Variants in GTF2F2 observed in about 807,000 individuals in gnomAD.
The protein encoded by GTF2F2 is ATP-dependent helicase GTF2F2.
A neutral mutation model predicts 42.2 loss-of-function variants in GTF2F2; 23 were observed. The observed-to-expected ratio is 0.55, with a 90% CI of 0.39 to 0.77. The LOEUF is 0.77. GTF2F2 is among the 30% of genes least tolerant of loss of function. The pLI, the probability that GTF2F2 is intolerant of heterozygous loss-of-function variation, is 0.00. For synonymous variants in GTF2F2, 105 were observed against 100.8 expected, an observed-to-expected ratio of 1.04 and a Z score of -0.25; for missense variants, 261 against 287.2, an observed-to-expected ratio of 0.91 and a Z score of 0.66.
chr13:45,252,468 C>A (rs1480334651), intron 5 of GTF2F2, among the ~76,000 whole-genome samples: 1 of 152,036 alleles, frequency 6.6e-6, no homozygotes, highest in Non-Finnish European at 1.5e-5. Context: ...TTTTATTTAC[C>A]TTTATCTTTT....
chr13:45,132,994 T>G (rs1869441399), intron 1 of GTF2F2, among the ~76,000 whole-genome samples: 2 of 152,184 alleles, frequency 1.3e-5, no homozygotes, highest in Admixed American at 1.3e-4. Context: ...GATCGAGAGC[T>G]TTCCTTCAGC....
chr13:45,202,996 G>A (rs1339607960), intron 4 of GTF2F2, among the ~76,000 whole-genome samples: 2 of 152,144 alleles, frequency 1.3e-5, no homozygotes, highest in Admixed American at 6.5e-5. Context: ...TGTACATTTA[G>A]TTGCTGATGT....
intron 4 of GTF2F2, among the ~76,000 whole-genome samples, chr13:45,157,191 G>C (rs762288227): frequency 6.6e-6 from 1 of 152,132 alleles, no homozygotes; most frequent in Non-Finnish European, 1.5e-5. Context: ...AATGACTAAT[G>C]CTCCAAGTTG....
intron 4 of GTF2F2, among the ~76,000 whole-genome samples, chr13:45,178,329 G>T (rs1871982194): frequency 7.6e-6 from 1 of 131,038 alleles, no homozygotes. Flanking sequence ...GTCCAGTGAG[G>T]TTTAAATTAT....
intron 4 of GTF2F2, among the ~76,000 whole-genome samples, chr13:45,166,708 C>T (rs1008516388): frequency 2.6e-5 from 4 of 152,000 alleles, no homozygotes; most frequent in East Asian, 1.9e-4. Context: ...TATGAGAATT[C>T]GTATGATGAA....
chr13:45,231,581 A>G (rs1471604297), intron 5 of GTF2F2, among the ~76,000 whole-genome samples: 4 of 151,738 alleles, frequency 2.6e-5, no homozygotes, highest in Non-Finnish European at 5.9e-5. Flanking sequence ...CCTAAATGAT[A>G]CTCCCAATGG....
intron 7 of GTF2F2, among the ~76,000 whole-genome samples, chr13:45,278,831 T>TC (rs1877141429): frequency 1.4e-5 from 2 of 139,852 alleles, no homozygotes; most frequent in African/African-American, 2.7e-5. Flanking sequence ...TTTTTTTTTT[T>TC]TTTTTTTTTT....
At chr13:45,272,796 T>G (rs1428032102) in intron 7 of GTF2F2, among the ~76,000 whole-genome samples, 9 of 149,272 alleles carry the variant, frequency 6.0e-5, no homozygotes, top group Non-Finnish European at 1.2e-4. Context: ...GCTGGAGTGC[T>G]CAAAGCTCCA....
intron 1 of GTF2F2, among the ~76,000 whole-genome samples, chr13:45,123,791 ATTT>A (rs201828514): frequency 6.6e-5 from 9 of 136,018 alleles, no homozygotes; most frequent in Non-Finnish European, 4.8e-5. Context: ...GGAATTTTGA[ATTT>A]TTTTTTTTTT....
At chr13:45,246,611 A>G (rs1875632053) in intron 5 of GTF2F2, among the ~76,000 whole-genome samples, 1 of 152,188 alleles carries the variant, frequency 6.6e-6, no homozygotes, top group Non-Finnish European at 1.5e-5. Context: ...AATATTTTTA[A>G]AACACAAATT....
chr13:45,136,023 ATATAGTG>A (rs1869601588), intron 1 of GTF2F2, among the ~76,000 whole-genome samples: 1 of 152,254 alleles, frequency 6.6e-6, no homozygotes, highest in Non-Finnish European at 1.5e-5. Context: ...TTACAACACA[ATATAGTG>A]TATTGGTTAA....
At chr13:45,276,228 A>G (rs1284019533) in intron 7 of GTF2F2, among the ~76,000 whole-genome samples, 1 of 152,146 alleles carries the variant, frequency 6.6e-6, no homozygotes, top group Non-Finnish European at 1.5e-5. Context: ...TTGCAAATAT[A>G]TATCATAGTG....
chr13:45,283,618 C>T lies in GTF2F2; in HGVS notation c.*57C>T, dbSNP rs1877354192. On this transcript the variant is annotated 3_prime_UTR_variant, in exon 8 of 8. Transcript: ENST00000340473. ...ACTAGCAGCGATGCTATGCAAAAGG[C>T]GCTGATACTGGAAGGCTTGAACACC... is the stretch of plus-strand genomic sequence containing the variant. 4.0e-6 allele frequency: 6 copies of T among 1,482,396 alleles called. No individual in the cohort carries two copies. Among genetic ancestry groups the T allele is most frequent in the Non-Finnish European group, 5.4e-6 (6 of 1,107,380 alleles). 91.8% of individuals were successfully genotyped at this position (1,482,396 alleles called of 1,614,324 possible).
At chr13:45,170,257 C>T (rs953482589) in intron 4 of GTF2F2, among the ~76,000 whole-genome samples, 1 of 152,194 alleles carries the variant, frequency 6.6e-6, no homozygotes, top group African/African-American at 2.4e-5. Context: ...CAGACCCCCC[C>T]TGCCTTGGCC....
intron 5 of GTF2F2, among the ~76,000 whole-genome samples, chr13:45,225,611 C>CAAAAAAAA (rs35637992): frequency 6.1e-5 from 4 of 65,540 alleles, no homozygotes; most frequent in African/African-American, 1.5e-4. Flanking sequence ...AGCTCTGTCT[C>CAAAAAAAA]AAAAAAAAAA....
rs534611518 is a variant in GTF2F2 at position 45,182,939 on chromosome 13, T to C, written c.305-24485T>C. Among the ~76,000 whole-genome samples the C allele has an allele frequency of 3.9e-5, 6 of 152,176 alleles. No homozygotes were observed. In the South Asian group the frequency reaches 1.2e-3, roughly 32 times the overall value. On this transcript the variant is annotated intron_variant, in intron 4 of 7. Transcript: ENST00000340473. The stretch of plus-strand genomic sequence containing the variant: ...TAGCACACTCGTCAGGCAGGCTGGG[T>C]TCCCTTTTGGTTAACTGTGGCTTCT...
At chr13:45,207,399 G>GAT in intron 4 of GTF2F2, 25 bp from the exon 5 acceptor site, 8 of 1,429,046 alleles carry the variant, frequency 5.6e-6, no homozygotes, top group Non-Finnish European at 7.9e-6. Context: ...TATTATCTCT[G>GAT]AATCCTTTTT....
At chr13:45,223,134 G>A (rs1001628188) in intron 5 of GTF2F2, among the ~76,000 whole-genome samples, 19 of 151,974 alleles carry the variant, frequency 1.3e-4, no homozygotes, top group African/African-American at 4.1e-4. Context: ...AGCTACTCCT[G>A]TAGTCTCAGC....
At chr13:45,246,015 T>A (rs1026135276) in intron 5 of GTF2F2, among the ~76,000 whole-genome samples, 3 of 20,254 alleles carry the variant, frequency 1.5e-4, no homozygotes, top group Non-Finnish European at 2.6e-4. Flanking sequence ...TATTTATTTA[T>A]TTTATTTATT....
Sources: gnomAD v4.1 joint callset for allele counts (sites outside exome capture counted in the v4.1 genomes callset) on GRCh38, gnomAD v4.1.1 for gene constraint, MANE v1.5 for transcripts, NCBI Gene and HGNC (gene_info 2026-07-23, HGNC 2026-07-21) for gene names.